NFXL1: variants seen among roughly 807,000 people sequenced by gnomAD.
NFXL1 encodes nuclear transcription factor, X-box binding like 1.
Under a neutral mutation model 123.3 loss-of-function variants are expected in NFXL1, and 66 were observed. The observed-to-expected ratio is 0.54, with a 90% CI of 0.44 to 0.66. The LOEUF is 0.66. NFXL1 is among the 30% of genes least tolerant of loss of function. The pLI is 0.00. For synonymous variants in NFXL1, 346 were observed against 360.8 expected, an observed-to-expected ratio of 0.96 and a Z score of 0.46; for missense variants, 944 against 1,125.6, an observed-to-expected ratio of 0.84 and a Z score of 2.31.
intron 19 of NFXL1, among the ~76,000 whole-genome samples, chr4:47,859,703 G>A (rs1034565618): frequency 1.3e-5 from 2 of 151,496 alleles, no homozygotes; most frequent in Non-Finnish European, 1.5e-5. Flanking sequence ...TTTGCTGGGC[G>A]TAGTGGCGGG....
chr4:47,889,785 G>C (rs916265747), intron 12 of NFXL1, among the ~76,000 whole-genome samples: 1 of 152,012 alleles, frequency 6.6e-6, no homozygotes, highest in Non-Finnish European at 1.5e-5. Context: ...TCAAAGTATA[G>C]TCCAGGAACC....
rs1334416821 is a variant in NFXL1 at position 47,911,590 on chromosome 4, T to C, written c.236-596A>G. Among the ~76,000 whole-genome samples the C allele has an allele frequency of 3.3e-5, 5 of 152,180 alleles. No individual in the cohort carries two copies. The South Asian group carries it at 6.2e-4, about 19-fold the overall frequency. On this transcript the variant is annotated intron_variant, in intron 2 of 22. Transcript: ENST00000507489. ...TGCCTTTATTATGGACTTCTTGTGG[T>C]CACACAAAAAAACATATTTTACATT...
intron 5 of NFXL1, among the ~76,000 whole-genome samples, chr4:47,902,546 C>A (rs1046830595): frequency 5.3e-5 from 8 of 152,052 alleles, no homozygotes; most frequent in African/African-American, 1.9e-4. Context: ...TAGTCTTGTA[C>A]AATGTAATAA....
chr4:47,909,255 G>A (rs928775625), intron 3 of NFXL1, among the ~76,000 whole-genome samples: 1 of 152,114 alleles, frequency 6.6e-6, no homozygotes, highest in East Asian at 1.9e-4. Flanking sequence ...GAATCAAACC[G>A]TAGCAATCTG....
At chr4:47,905,971 C>T (rs1020609298) in intron 3 of NFXL1, among the ~76,000 whole-genome samples, 3 of 151,926 alleles carry the variant, frequency 2.0e-5, no homozygotes, top group South Asian at 2.1e-4. Flanking sequence ...TGCTAGACAC[C>T]GTACTATTAG....
Position 47,899,482 on chromosome 4 carries a change from T to C in NFXL1, c.714A>G (p.Lys238=). Residue 238 remains lysine (K), a synonymous_variant, in exon 6 of 23, where the codon AAA becomes AAG. Transcript: ENST00000507489. ...TPSRYYCYCG[K]VEDPPLDPWL... The stretch of plus-strand genomic sequence containing the variant: ...ACGGATCTAAAGGTGGATCTTCTAC[T>C]TTTCCACAATAGCAATAGTACCTAC... 1 of 1,612,928 alleles carries C rather than the reference T, an allele frequency of 6.2e-7. No homozygotes were observed. The highest frequency in any genetic ancestry group is 1.1e-5 in the South Asian group (1 of 91,042).
In NFXL1 at chr4:47,907,358, T is replaced by C. The variant is rs1172694977; in HGVS notation, c.407-2012A>G. Among the ~76,000 whole-genome samples, 5 of 152,314 alleles carry C rather than the reference T, an allele frequency of 3.3e-5. No individual in the cohort carries two copies. The East Asian group carries it at 9.6e-4, about 29-fold the overall frequency. The stretch of plus-strand genomic sequence containing the variant: ...GTGACTGAGAAAACTGTAGTGCTAT[T>C]AAGATTAAGAAAACAAAAGAATAAA... On this transcript the variant is annotated intron_variant, in intron 3 of 22. Coordinates refer to ENST00000507489, the MANE Select transcript of NFXL1 (RefSeq NM_001278624.2).
At chr4:47,896,811 C>CTAAT (rs1737114669) in intron 9 of NFXL1, 164 bp from the exon 10 acceptor site, 1 of 546,878 alleles carries the variant, frequency 1.8e-6, no homozygotes. Flanking sequence ...AAAATAATCC[C>CTAAT]TAATATTTGT....
intron 14 of NFXL1, among the ~76,000 whole-genome samples, chr4:47,885,249 G>C (rs979822844): frequency 6.6e-6 from 1 of 151,838 alleles, no homozygotes; most frequent in Non-Finnish European, 1.5e-5. Context: ...ATATGAAGGA[G>C]GACTGCCAAA....
intron 2 of NFXL1, among the ~76,000 whole-genome samples, chr4:47,912,998 C>A (rs1296831642): frequency 1.7e-5 from 2 of 116,686 alleles, no homozygotes; most frequent in African/African-American, 3.3e-5. Flanking sequence ...GGGCGACCAG[C>A]GAGACTCTGT....
chr4:47,899,727 A>G (rs1198227589), intron 5 of NFXL1, among the ~76,000 whole-genome samples, 179 bp from the exon 6 acceptor site: 1 of 152,250 alleles, frequency 6.6e-6, no homozygotes, highest in Non-Finnish European at 1.5e-5. Context: ...CATATAAAAC[A>G]GCACTGCACA....
chr4:47,885,887 C>T lies in NFXL1; in HGVS notation c.1656G>A (p.Glu552=), dbSNP rs945900634. The part of the protein sequence containing the change: ...ERTTRPPKCK[E]QCSRPPTCHH... ...CAAAGCTTCAAACTCACCTGCATTG[C>T]TCCTTGCACTTGGGTGGTCTTGTGG... is the stretch of plus-strand genomic sequence containing the variant. Residue 552 remains glutamate, a synonymous_variant, in exon 13 of 23, where the codon GAG becomes GAA. Coordinates refer to ENST00000507489, the MANE Select transcript of NFXL1 (RefSeq NM_001278624.2). The T allele has an allele frequency of 1.9e-6, 3 of 1,613,588 alleles. No individual in the cohort carries two copies.
At chr4:47,904,194 T>C (rs1213939231) in intron 4 of NFXL1, among the ~76,000 whole-genome samples, 3 of 152,130 alleles carry the variant, frequency 2.0e-5, no homozygotes, top group Non-Finnish European at 4.4e-5. Context: ...AGAAGCTCAA[T>C]CCTCCAGGGG....
intron 19 of NFXL1, among the ~76,000 whole-genome samples, chr4:47,858,310 G>T (rs1734525970): frequency 6.6e-6 from 1 of 152,166 alleles, no homozygotes; most frequent in South Asian, 2.1e-4. Context: ...AAAAGTTACT[G>T]ATTATAAATT....
chr4:47,884,362 G>T lies in NFXL1; in HGVS notation c.1900C>A (p.Gln634Lys). The T allele has an allele frequency of 3.2e-6, 5 of 1,585,016 alleles. No homozygotes were observed. The highest frequency in any genetic ancestry group is 4.3e-6 in the Non-Finnish European group (5 of 1,156,500). ...IQTALPCPPC[Q>K]VPIPMECLGK... ...AATACTTACATAGGAATAGGAACTTGACATGGAGGACACGGTAATGCAGTC... is the reference window on the plus strand; with the variant it reads ...AATACTTACATAGGAATAGGAACTTTACATGGAGGACACGGTAATGCAGTC... The change falls in exon 15 of 23, where the codon CAA becomes AAA. Residue 634 changes from glutamine (Q) to lysine (K), a missense_variant. Around this residue, in one of 4 missense-constraint regions of NFXL1, gnomAD observed 301 missense variants for 348.0 expected, o/e 0.86. Coordinates refer to ENST00000507489, the MANE Select transcript of NFXL1 (RefSeq NM_001278624.2).
chr4:47,898,867 G>A lies in NFXL1; in HGVS notation c.989-10C>T, dbSNP rs1454021503. On this transcript the variant is annotated splice_polypyrimidine_tract_variant and intron_variant, in intron 7 of 22. Transcript: ENST00000507489. Reference sequence around the variant, plus strand: ...CAAGGCTGACAGCTTCCTAAAACCAGAATGATAAATTAGCACAGAAACATA... The same window carrying A: ...CAAGGCTGACAGCTTCCTAAAACCAAAATGATAAATTAGCACAGAAACATA... The A allele has an allele frequency of 6.2e-7, 1 of 1,612,062 alleles. No homozygotes were observed. Among genetic ancestry groups the A allele is most frequent in the Non-Finnish European group, 8.5e-7 (1 of 1,178,198 alleles).
chr4:47,884,470 G>C (rs762165199), intron 14 of NFXL1, 33 bp from the exon 15 acceptor site: 2 of 1,342,874 alleles, frequency 1.5e-6, no homozygotes, highest in East Asian at 4.6e-5. Context: ...TTTTAAGTCA[G>C]AGGGATTAAA....
intron 18 of NFXL1, among the ~76,000 whole-genome samples, chr4:47,874,273 G>A (rs995021886): frequency 5.7e-4 from 87 of 152,232 alleles, no homozygotes; most frequent in African/African-American, 2.1e-3. Flanking sequence ...CTAACTTTTA[G>A]CCTATCTCAG....
chr4:47,867,579 A>C (rs1440901406), intron 18 of NFXL1, among the ~76,000 whole-genome samples: 1 of 152,162 alleles, frequency 6.6e-6, no homozygotes, highest in African/African-American at 2.4e-5. Flanking sequence ...AGGTACCTGA[A>C]AAAATTTATC....
Sources: gnomAD v4.1 joint callset for allele counts (sites outside exome capture counted in the v4.1 genomes callset) on GRCh38, gnomAD v4.1.1 for gene constraint, gnomAD v4.1.1 regional missense constraint, MANE v1.5 for transcripts, NCBI Gene and HGNC (gene_info 2026-07-23, HGNC 2026-07-21) for gene names.